NRXN1: variants seen among roughly 807,000 people sequenced by gnomAD.
NRXN1 encodes neurexin 1.
A neutral mutation model predicts 150.9 loss-of-function variants in NRXN1; 39 were observed. That is an observed-to-expected ratio of 0.26 (90% CI 0.20 to 0.34). The LOEUF is 0.34. Among genes scored for constraint, NRXN1 ranks in the 10% least tolerant of loss-of-function variants. The pLI, the probability that NRXN1 is intolerant of heterozygous loss-of-function variation, is 1.00. For missense variants in NRXN1, 1,815 were observed against 1,949.9 expected (o/e 0.93, Z 1.30); for synonymous variants, 924 against 757.0 (o/e 1.22, Z -3.62).
chr2:50,019,798 A>T (rs1411009490), intron 21 of NRXN1, among the ~76,000 whole-genome samples: 13 of 150,518 alleles, frequency 8.6e-5, no homozygotes, highest in African/African-American at 3.2e-4. Flanking sequence ...AATACAAAAA[A>T]TTAGCTGGGC....
intron 2 of NRXN1, chr2:51,009,423 A>C (rs900698839): frequency 4.6e-5 from 7 of 151,976 alleles, no homozygotes; most frequent in African/African-American, 1.7e-4. Flanking sequence ...GGCTATTTTC[A>C]AAGTATAGGC....
Position 51,001,763 on chromosome 2 carries a change from T to A in NRXN1, c.772+25739A>T, listed in dbSNP as rs559807880. 4.8e-4 allele frequency among the ~76,000 whole-genome samples: 73 copies of A among 152,116 alleles called. No individual in the cohort carries two copies. In the Middle Eastern group the frequency reaches 0.02, roughly 43 times the overall value. On this transcript the variant is annotated intron_variant, in intron 2 of 22. Transcript: ENST00000401669. Reference sequence around the variant, plus strand: ...TTTGATGATGGGGTTCAGGATATAATATCCCCAAATATAACAGTTTGGCAT... The same window carrying A: ...TTTGATGATGGGGTTCAGGATATAAAATCCCCAAATATAACAGTTTGGCAT...
At chr2:51,024,784 G>T (rs960889979) in intron 2 of NRXN1, among the ~76,000 whole-genome samples, 3 of 152,000 alleles carry the variant, frequency 2.0e-5, no homozygotes, top group Non-Finnish European at 4.4e-5. Flanking sequence ...ATTATAGTTT[G>T]GACCAGAGAT....
At chr2:50,699,211 C>T (rs1351376788) in intron 5 of NRXN1, among the ~76,000 whole-genome samples, 1 of 152,162 alleles carries the variant, frequency 6.6e-6, no homozygotes, top group Non-Finnish European at 1.5e-5. Context: ...CATTGGTTAG[C>T]TATCCACCCA....
chr2:50,734,808 G>A (rs1698520591), intron 5 of NRXN1, among the ~76,000 whole-genome samples: 1 of 151,586 alleles, frequency 6.6e-6, no homozygotes, highest in South Asian at 2.1e-4. Flanking sequence ...TTTAAAGTAT[G>A]CAGAGCATAC....
chr2:50,315,738 G>T (rs2075549553), intron 17 of NRXN1, among the ~76,000 whole-genome samples: 1 of 152,030 alleles, frequency 6.6e-6, no homozygotes, highest in African/African-American at 2.4e-5. Context: ...CTTATTAAAA[G>T]GCACATTATC....
intron 22 of NRXN1, among the ~76,000 whole-genome samples, chr2:49,926,125 AAATGATTTGGAAGCT>A (rs1348651718): frequency 6.6e-6 from 1 of 152,216 alleles, no homozygotes; most frequent in African/African-American, 2.4e-5. Context: ...TTTAACCTAT[AAATGATTTGGAAGCT>A]AATGATTATT....
chr2:50,133,347 AGAG>A (rs1484064834), intron 18 of NRXN1, among the ~76,000 whole-genome samples: 5 of 145,096 alleles, frequency 3.4e-5, no homozygotes, highest in Non-Finnish European at 4.6e-5. Context: ...ATCTGGTTTC[AGAG>A]GAGGTCTGAA....
intron 17 of NRXN1, among the ~76,000 whole-genome samples, chr2:50,292,246 T>G (rs1439690995): frequency 6.6e-6 from 1 of 152,196 alleles, no homozygotes; most frequent in Non-Finnish European, 1.5e-5. Context: ...GACATTTCAC[T>G]GTCCATAATT....
chr2:50,941,994 G>C (rs778895261), intron 2 of NRXN1, among the ~76,000 whole-genome samples: 2 of 152,268 alleles, frequency 1.3e-5, no homozygotes, highest in East Asian at 1.9e-4. Flanking sequence ...GGTTGCATGG[G>C]CTAGTCACAT....
At chr2:50,706,450 G>C (rs757867087) in intron 5 of NRXN1, among the ~76,000 whole-genome samples, 2 of 152,108 alleles carry the variant, frequency 1.3e-5, no homozygotes, top group African/African-American at 4.8e-5. Flanking sequence ...TGAGCTTATT[G>C]ATAAGGGAAA....
chr2:50,132,431 G>A (rs892776483), intron 18 of NRXN1, among the ~76,000 whole-genome samples: 2 of 150,818 alleles, frequency 1.3e-5, no homozygotes, highest in African/African-American at 2.4e-5. Flanking sequence ...TCAGCCTTCC[G>A]AGTATCTGGG....
At chr2:50,391,517 G>T (rs957546939) in intron 17 of NRXN1, among the ~76,000 whole-genome samples, 1 of 152,068 alleles carries the variant, frequency 6.6e-6, no homozygotes, top group Non-Finnish European at 1.5e-5. Flanking sequence ...TTAAAATATA[G>T]TTATTAGGGA....
intron 5 of NRXN1, among the ~76,000 whole-genome samples, chr2:50,668,191 C>A (rs1169150864): frequency 6.6e-6 from 1 of 151,878 alleles, no homozygotes; most frequent in Non-Finnish European, 1.5e-5. Flanking sequence ...TTCAGAGCCT[C>A]AGTGGCATTT....
intron 17 of NRXN1, among the ~76,000 whole-genome samples, chr2:50,318,840 C>T (rs1278746232): frequency 6.6e-6 from 1 of 152,046 alleles, no homozygotes; most frequent in Admixed American, 6.6e-5. Flanking sequence ...GGGGCATACA[C>T]AGTGCTTCAG....
chr2:50,000,401 A>T lies in NRXN1; in HGVS notation c.4128+52870T>A, dbSNP rs536902599. Among the ~76,000 whole-genome samples, 6 of 152,330 alleles carry T rather than the reference A, an allele frequency of 3.9e-5. No individual in the cohort carries two copies. In the South Asian group the frequency reaches 1.0e-3, roughly 26 times the overall value. On this transcript the variant is annotated intron_variant, in intron 21 of 22. Coordinates refer to ENST00000401669, the MANE Select transcript of NRXN1 (RefSeq NM_001330078.2). The stretch of plus-strand genomic sequence containing the variant: ...AATAAAATTGTCAATGGAAGCAGAC[A>T]TCATCATAGCTTTTGAGTTAATATT...
At chr2:50,015,553 C>T (rs1686445740) in intron 21 of NRXN1, among the ~76,000 whole-genome samples, 1 of 130,590 alleles carries the variant, frequency 7.7e-6, no homozygotes, top group Non-Finnish European at 1.6e-5. Flanking sequence ...AAGACCTGGG[C>T]TTGGGAGGAG....
At chr2:51,013,488 G>A (rs1201795535) in intron 2 of NRXN1, among the ~76,000 whole-genome samples, 1 of 151,792 alleles carries the variant, frequency 6.6e-6, no homozygotes, top group Non-Finnish European at 1.5e-5. Context: ...GGTTTTGTAG[G>A]GGGAGGGGAG....
chr2:50,596,450 T>C (rs1675218131), intron 8 of NRXN1, among the ~76,000 whole-genome samples: 2 of 152,200 alleles, frequency 1.3e-5, no homozygotes, highest in East Asian at 1.9e-4. Context: ...CCCTTTGTTA[T>C]CCTACTCCCC....
Sources: allele counts gnomAD v4.1 joint callset (sites outside exome capture counted in the v4.1 genomes callset), GRCh38; gene constraint gnomAD v4.1.1; transcripts MANE v1.5; gene names NCBI Gene and HGNC (gene_info 2026-07-23, HGNC 2026-07-21).